The following UBE4B variants were observed in gnomAD, a reference collection of about 807,000 sequenced individuals.
The protein encoded by UBE4B is ubiquitin conjugation factor E4 B.
A neutral mutation model predicts 148.1 loss-of-function variants in UBE4B; 27 were observed. The observed-to-expected ratio is 0.18, with a 90% confidence interval of 0.13 to 0.25. The LOEUF is 0.25. Ranked by LOEUF, UBE4B falls within the 10% of genes least tolerant of loss-of-function variation. The pLI, the probability that UBE4B is intolerant of heterozygous loss-of-function variation, is 1.00. For synonymous variants in UBE4B, 596 were observed against 619.3 expected (o/e 0.96, Z 0.56); for missense variants, 1,170 against 1,662.4 (o/e 0.70, Z 5.15).
At chr1:10,085,305 T>C (rs966479829) in intron 2 of UBE4B, among the ~76,000 whole-genome samples, 6 of 152,294 alleles carry the variant, frequency 3.9e-5, no homozygotes, top group Admixed American at 3.3e-4. Flanking sequence ...ACAGGAAATA[T>C]TGTGATCCTA....
chr1:10,129,495 T>C (rs763079320), intron 12 of UBE4B, 47 bp downstream of exon 12: 2 of 1,576,914 alleles, frequency 1.3e-6, no homozygotes, highest in South Asian at 2.2e-5. Context: ...GAATATATCA[T>C]AACCCAGAAG....
At chr1:10,139,009 T>A (rs1645741592) in intron 17 of UBE4B, among the ~76,000 whole-genome samples, 1 of 152,356 alleles carries the variant, frequency 6.6e-6, no homozygotes, top group South Asian at 2.1e-4. Context: ...TGTTTAGGAT[T>A]TTTGCATCTG....
At chr1:10,088,285 T>C (rs955896070) in intron 2 of UBE4B, among the ~76,000 whole-genome samples, 21 of 152,374 alleles carry the variant, frequency 1.4e-4, no homozygotes, top group Non-Finnish European at 2.6e-4. Flanking sequence ...AGTGATTTTC[T>C]AATTCCGGCT....
intron 1 of UBE4B, among the ~76,000 whole-genome samples, chr1:10,062,987 G>C (rs1379587468): frequency 6.6e-6 from 1 of 151,436 alleles, no homozygotes; most frequent in Non-Finnish European, 1.5e-5. Flanking sequence ...AGAAAATAGT[G>C]ATGGCGAATA....
In UBE4B at chr1:10,179,964, C is replaced by T. The variant is rs767229317; in HGVS notation, c.*8C>T. The T allele has an allele frequency of 2.8e-5, 45 of 1,613,906 alleles. No individual in the cohort carries two copies. Among genetic ancestry groups the T allele is most frequent in the East Asian group, 1.8e-4 (8 of 44,880 alleles). On this transcript the variant is annotated 3_prime_UTR_variant, in exon 28 of 28. Coordinates refer to ENST00000343090, the MANE Select transcript of UBE4B (RefSeq NM_001105562.3). ...CAGAACAGCGATCACTAAACCGTTC[C>T]GCCGCCCACCCTCTGCTAGACACAG... is the stretch of plus-strand genomic sequence containing the variant.
At position 10,033,642 on chromosome 1, in the gene UBE4B, T is replaced by C; in HGVS notation, c.-29T>C. On this transcript the variant is annotated 5_prime_UTR_variant, in exon 1 of 28. Transcript: ENST00000343090. Reference sequence around the variant, plus strand: ...TCTCGAGAACAGAAGGATCTCTCCTTAACGCCTTTCACCATTAAGAGGAAA... The same window carrying C: ...TCTCGAGAACAGAAGGATCTCTCCTCAACGCCTTTCACCATTAAGAGGAAA... The C allele has an allele frequency of 6.4e-7, 1 of 1,556,106 alleles. No homozygotes were observed. The highest frequency in any genetic ancestry group is 8.7e-7 in the Non-Finnish European group (1 of 1,151,566).
intron 17 of UBE4B, among the ~76,000 whole-genome samples, chr1:10,138,790 G>A (rs1185491415): frequency 2.0e-5 from 3 of 152,048 alleles, no homozygotes; most frequent in Non-Finnish European, 4.4e-5. Context: ...TATTTCAATA[G>A]TTAGTTCCCT....
intron 1 of UBE4B, among the ~76,000 whole-genome samples, chr1:10,062,808 T>A (rs1451027984): frequency 6.6e-6 from 1 of 151,308 alleles, no homozygotes; most frequent in Non-Finnish European, 1.5e-5. Context: ...AATACAAAAT[T>A]AGCCGGGTGT....
At chr1:10,124,986 C>T (rs570651464) in intron 10 of UBE4B, among the ~76,000 whole-genome samples, 5 of 152,140 alleles carry the variant, frequency 3.3e-5, no homozygotes, top group South Asian at 2.1e-4. Context: ...AATTAGCTGG[C>T]GCAGAAGTGC....
At chr1:10,054,573 A>G in intron 1 of UBE4B, 1 of 296,752 alleles carries the variant, frequency 3.4e-6, no homozygotes, top group Non-Finnish European at 6.5e-6. Context: ...CATGAGTTTT[A>G]GGAAATGATG....
intron 2 of UBE4B, among the ~76,000 whole-genome samples, chr1:10,073,489 A>G (rs1644521730): frequency 1.3e-5 from 2 of 152,146 alleles, no homozygotes; most frequent in African/African-American, 4.8e-5. Flanking sequence ...TGGGAAGCCA[A>G]GGTGGGTGGA....
At chr1:10,112,525 A>C (rs1431067052) in intron 7 of UBE4B, among the ~76,000 whole-genome samples, 1 of 152,094 alleles carries the variant, frequency 6.6e-6, no homozygotes, top group Non-Finnish European at 1.5e-5. Flanking sequence ...TCAGCCTCCC[A>C]GGTAGCTGGG....
chr1:10,126,302 TATAGATAGATAGATAGATAG>T (rs71583842), intron 10 of UBE4B, among the ~76,000 whole-genome samples: 35 of 147,374 alleles, frequency 2.4e-4, no homozygotes, highest in Admixed American at 3.4e-4. Flanking sequence ...TCCGTCTCAA[TATAGATAGATAGATAGATAG>T]ATAGATAGAT....
At chr1:10,065,476 G>A (rs1216772174) in intron 1 of UBE4B, among the ~76,000 whole-genome samples, 1 of 152,180 alleles carries the variant, frequency 6.6e-6, no homozygotes, top group Non-Finnish European at 1.5e-5. Flanking sequence ...GTCTGGGGAA[G>A]GTTCTATTTC....
chr1:10,067,737 G>C (rs1570814993), intron 1 of UBE4B, among the ~76,000 whole-genome samples: 1 of 151,394 alleles, frequency 6.6e-6, no homozygotes, highest in East Asian at 1.9e-4. Flanking sequence ...ATTTGTTGTT[G>C]TTGTTGTTGA....
chr1:10,072,076 C>G lies in UBE4B; in HGVS notation c.73C>G (p.Pro25Ala). Residue 25 changes from proline to alanine, a missense_variant, in exon 2 of 28, where the codon CCA (proline) becomes GCA (alanine). Transcript: ENST00000343090. ...ARLAGGQTSQPTTPLTSPQRE... is the reference protein window; with the variant it reads ...ARLAGGQTSQATTPLTSPQRE... Reference sequence around the variant, plus strand: ...ACTTGCTGGTGGACAGACCTCTCAGCCAACCACCCCACTCACCTCTCCCCA... The same window carrying G: ...ACTTGCTGGTGGACAGACCTCTCAGGCAACCACCCCACTCACCTCTCCCCA... The G allele has an allele frequency of 1.2e-6, 2 of 1,612,214 alleles. No homozygotes were observed. Among genetic ancestry groups the G allele is most frequent in the Non-Finnish European group, 1.7e-6 (2 of 1,179,268 alleles).
At chr1:10,126,109 G>A (rs377563587) in intron 10 of UBE4B, among the ~76,000 whole-genome samples, 32 of 152,120 alleles carry the variant, frequency 2.1e-4, no homozygotes, top group African/African-American at 7.7e-4. Context: ...AACCAGCGTG[G>A]CCAACAAAGT....
At chr1:10,061,812 T>TAAGC (rs1644291529) in intron 1 of UBE4B, among the ~76,000 whole-genome samples, 1 of 152,176 alleles carries the variant, frequency 6.6e-6, no homozygotes. Flanking sequence ...GTTTTGCCAT[T>TAAGC]AAGCATCTGC....
chr1:10,123,427 CAAAAAA>C (rs34527607), intron 10 of UBE4B, among the ~76,000 whole-genome samples: 5 of 35,670 alleles, frequency 1.4e-4, no homozygotes, highest in African/African-American at 3.5e-4. Flanking sequence ...AAGACTGTCT[CAAAAAA>C]AAAAAAAAAA....
Sources: allele counts gnomAD v4.1 joint callset (sites outside exome capture counted in the v4.1 genomes callset), GRCh38; gene constraint gnomAD v4.1.1; transcripts MANE v1.5; gene names NCBI Gene and HGNC (gene_info 2026-07-23, HGNC 2026-07-21).